The following TTLL11 variants were observed in gnomAD, a reference collection of about 807,000 sequenced individuals.
The protein encoded by TTLL11 is tubulin tyrosine ligase like 11.
TTLL11 carries 42 observed loss-of-function variants against 51.7 expected under a neutral mutation model. The ratio of observed to expected loss-of-function variants is 0.81; its 90% CI spans 0.64 to 1.05. The LOEUF is 1.05. TTLL11 is among the 50% of genes least tolerant of loss of function. The pLI, the probability that TTLL11 is intolerant of heterozygous loss-of-function variation, is 0.00. For missense variants in TTLL11, 799 were observed against 940.4 expected (o/e 0.85, Z 1.97); for synonymous variants, 381 against 383.5 (o/e 0.99, Z 0.08).
chr9:122,007,986 T>C (rs1843701045), intron 3 of TTLL11, among the ~76,000 whole-genome samples: 1 of 152,228 alleles, frequency 6.6e-6, no homozygotes, highest in South Asian at 2.1e-4. Flanking sequence ...CCTCCAGATA[T>C]GATACCCACG....
intron 3 of TTLL11, among the ~76,000 whole-genome samples, chr9:122,028,127 T>G (rs1844407661): frequency 6.6e-6 from 1 of 152,042 alleles, no homozygotes; most frequent in Non-Finnish European, 1.5e-5. Context: ...CTAAAAAGAT[T>G]TTTAAAAGAA....
At chr9:122,030,389 A>G (rs910293266) in intron 3 of TTLL11, among the ~76,000 whole-genome samples, 1 of 152,160 alleles carries the variant, frequency 6.6e-6, no homozygotes, top group Non-Finnish European at 1.5e-5. Flanking sequence ...TTATCACTTC[A>G]AGCTGTTTTT....
At chr9:121,920,357 T>C (rs183882395) in intron 6 of TTLL11, among the ~76,000 whole-genome samples, 1 of 152,122 alleles carries the variant, frequency 6.6e-6, no homozygotes, top group East Asian at 1.9e-4. Flanking sequence ...CATTGCAGGG[T>C]AGCACAAAAG....
rs868245316 is a variant in TTLL11, at chr9:121,826,495, G to A, written c.1841-3616C>T. ...TATATATATATGTATATATATATAT[G>A]TGTGTGTATATATATATATGTATAT... On this transcript the variant is annotated intron_variant, in intron 8 of 8. Transcript: ENST00000321582. Among the ~76,000 whole-genome samples, 112 of 43,096 alleles carry A rather than the reference G, an allele frequency of 2.6e-3. 2 individuals carry two copies. Among genetic ancestry groups the A allele is most frequent in the African/African-American group, 9.2e-3 (89 of 9,684 alleles). The allele number at this position is 43,096 out of a possible 152,430, so 28.3% of individuals were successfully genotyped here. A position where few individuals can be genotyped will look rare whatever the true frequency, so the allele number is the denominator to read the frequency against.
chr9:122,063,384 G>C (rs1455386329), intron 1 of TTLL11, among the ~76,000 whole-genome samples: 1 of 152,056 alleles, frequency 6.6e-6, no homozygotes, highest in Non-Finnish European at 1.5e-5. Flanking sequence ...CTTCAAACAT[G>C]AACTATTCAA....
At chr9:122,078,721 CTG>C (rs1366370908) in intron 1 of TTLL11, among the ~76,000 whole-genome samples, 1 of 151,942 alleles carries the variant, frequency 6.6e-6, no homozygotes, top group Non-Finnish European at 1.5e-5. Flanking sequence ...GAAAAAGAAA[CTG>C]AGTTTCAGAG....
intron 1 of TTLL11, among the ~76,000 whole-genome samples, chr9:122,066,188 G>GTGTTGTTGT (rs59290623): frequency 1.7e-3 from 249 of 149,154 alleles, no homozygotes; most frequent in African/African-American, 6.0e-3. Flanking sequence ...GGGGAGCAGA[G>GTGTTGTTGT]TGTTGTTGTT....
chr9:121,823,124 C>T (rs888397881), intron 8 of TTLL11, among the ~76,000 whole-genome samples: 6 of 152,232 alleles, frequency 3.9e-5, no homozygotes, highest in East Asian at 3.8e-4. Flanking sequence ...GAAGGAAGTT[C>T]GGTTAACCCT....
chr9:121,988,363 C>A (rs1588179612), intron 4 of TTLL11, among the ~76,000 whole-genome samples: 1 of 152,010 alleles, frequency 6.6e-6, no homozygotes, highest in African/African-American at 2.4e-5. Context: ...GACCACCCCC[C>A]CGAACCAATA....
intron 1 of TTLL11, among the ~76,000 whole-genome samples, chr9:122,086,326 A>T (rs537942990): frequency 2.2e-4 from 34 of 152,356 alleles, no homozygotes; most frequent in African/African-American, 7.9e-4. Context: ...TTATGTTATG[A>T]CAAGTTTAAC....
At chr9:121,883,275 C>T (rs548981030) in intron 6 of TTLL11, among the ~76,000 whole-genome samples, 3 of 152,240 alleles carry the variant, frequency 2.0e-5, no homozygotes, top group Non-Finnish European at 2.9e-5. Context: ...TGGAGATGGA[C>T]GATAGAATCC....
At chr9:121,850,445 T>C (rs938241719) in intron 8 of TTLL11, among the ~76,000 whole-genome samples, 1 of 152,030 alleles carries the variant, frequency 6.6e-6, no homozygotes, top group African/African-American at 2.4e-5. Context: ...GGGGAGGACC[T>C]GGTGTAAGTC....
intron 6 of TTLL11, among the ~76,000 whole-genome samples, chr9:121,909,434 C>T (rs1203276746): frequency 1.3e-5 from 2 of 152,134 alleles, no homozygotes; most frequent in East Asian, 1.9e-4. Flanking sequence ...AGCTGACCAA[C>T]AACCACCCCC....
intron 1 of TTLL11, among the ~76,000 whole-genome samples, chr9:122,081,605 T>C (rs1179347559): frequency 1.3e-5 from 2 of 152,242 alleles, no homozygotes; most frequent in Non-Finnish European, 2.9e-5. Context: ...ACTCTAAGCC[T>C]CTCCACACAA....
intron 1 of TTLL11, among the ~76,000 whole-genome samples, chr9:122,063,270 A>G (rs1845486249): frequency 6.6e-6 from 1 of 152,238 alleles, no homozygotes; most frequent in African/African-American, 2.4e-5. Context: ...TTTAAATAAT[A>G]TAAAACTTAG....
intron 4 of TTLL11, among the ~76,000 whole-genome samples, chr9:121,976,632 A>G (rs934496792): frequency 3.3e-5 from 5 of 152,222 alleles, no homozygotes; most frequent in African/African-American, 9.6e-5. Flanking sequence ...TAGAATATGC[A>G]TTAGTTAAAT....
intron 7 of TTLL11, among the ~76,000 whole-genome samples, chr9:121,862,223 T>C (rs1052479837): frequency 2.0e-5 from 3 of 151,928 alleles, no homozygotes; most frequent in African/African-American, 7.3e-5. Context: ...CAGTCTGGTA[T>C]GCCAAAAAGA....
chr9:121,951,271 A>G (rs1564322218), intron 6 of TTLL11, among the ~76,000 whole-genome samples: 2 of 152,192 alleles, frequency 1.3e-5, no homozygotes, highest in Admixed American at 1.3e-4. Context: ...CATTAATTTA[A>G]TTTCTTCTTT....
chr9:121,909,602 T>C (rs1013845052), intron 6 of TTLL11, among the ~76,000 whole-genome samples: 2 of 152,192 alleles, frequency 1.3e-5, no homozygotes, highest in South Asian at 2.1e-4. Context: ...CCAGGGTCCA[T>C]GGCAAATGAG....
Sources: gnomAD v4.1 joint callset for allele counts (sites outside exome capture counted in the v4.1 genomes callset) on GRCh38, gnomAD v4.1.1 for gene constraint, MANE v1.5 for transcripts, NCBI Gene and HGNC (gene_info 2026-07-23, HGNC 2026-07-21) for gene names.